Variants in EXOC4 observed in about 807,000 individuals in gnomAD.
EXOC4 encodes exocyst complex component 4, also known as SEC8-like 1.
EXOC4 carries 71 observed loss-of-function variants against 107.2 expected under a neutral mutation model. The observed-to-expected ratio is 0.66, with a 90% CI of 0.55 to 0.81. EXOC4 has a LOEUF of 0.81. EXOC4 is among the 30% of genes least tolerant of loss of function. The pLI is 0.00. For missense variants in EXOC4, 1,108 were observed against 1,189.6 expected, an observed-to-expected ratio of 0.93 and a Z score of 1.01; for synonymous variants, 456 against 441.2, an observed-to-expected ratio of 1.03 and a Z score of -0.42.
intron 1 of EXOC4, among the ~76,000 whole-genome samples, chr7:133,263,827 C>G (rs958865586): frequency 6.6e-6 from 1 of 151,994 alleles, no homozygotes; most frequent in Non-Finnish European, 1.5e-5. Context: ...TAGTATATTA[C>G]AGAAGTGCTA....
At chr7:133,914,447 A>G (rs977855298) in intron 12 of EXOC4, among the ~76,000 whole-genome samples, 3 of 152,168 alleles carry the variant, frequency 2.0e-5, no homozygotes, top group Admixed American at 1.3e-4. Context: ...TGTTTCATTC[A>G]TATTTCTTAG....
intron 7 of EXOC4, among the ~76,000 whole-genome samples, chr7:133,402,338 T>TTA (rs1797108935): frequency 6.6e-6 from 1 of 152,202 alleles, no homozygotes; most frequent in Non-Finnish European, 1.5e-5. Context: ...TGCTTATGTT[T>TTA]TCATTTTATC....
chr7:133,538,882 AGG>A (rs1554469439), intron 9 of EXOC4, among the ~76,000 whole-genome samples: 12 of 59,960 alleles, frequency 2.0e-4, no homozygotes, highest in South Asian at 6.3e-4. Flanking sequence ...AGAGAGAGAG[AGG>A]GAGGGAGGGA....
intron 9 of EXOC4, among the ~76,000 whole-genome samples, chr7:133,508,671 G>A (rs17656452): frequency 0.15 from 22,122 of 152,096 alleles, 2,039 homozygotes; most frequent in Non-Finnish European, 0.2. Flanking sequence ...ACAGTCACAA[G>A]TTAACAATTA....
chr7:133,289,733 A>G (rs560281149), intron 3 of EXOC4, among the ~76,000 whole-genome samples: 1 of 152,290 alleles, frequency 6.6e-6, no homozygotes, highest in African/African-American at 2.4e-5. Context: ...AAGTAGAAAT[A>G]CAGAGTTTGC....
Position 133,260,280 on chromosome 7 carries a change from T to G in EXOC4, c.86+7093T>G, listed in dbSNP as rs568153640. 6.4e-3 allele frequency among the ~76,000 whole-genome samples: 979 copies of G among 152,182 alleles called. 10 individuals carry two copies. Among genetic ancestry groups the G allele is most frequent in the African/African-American group, 0.018 (740 of 41,524 alleles). ...GTAAGCCCTTTAACTGTTTTTTTTT[T>G]TTTGTTTTTTTGAGACAGAGTCTTG... On this transcript the variant is annotated intron_variant, in intron 1 of 17. Coordinates refer to ENST00000253861, the MANE Select transcript of EXOC4 (RefSeq NM_021807.4).
At chr7:133,715,345 T>C (rs1794977937) in intron 10 of EXOC4, among the ~76,000 whole-genome samples, 1 of 152,190 alleles carries the variant, frequency 6.6e-6, no homozygotes, top group Non-Finnish European at 1.5e-5. Context: ...TCCTTTCATT[T>C]CTTGTGGCTA....
intron 11 of EXOC4, among the ~76,000 whole-genome samples, chr7:133,857,588 C>A (rs1364602114): frequency 2.0e-5 from 3 of 150,754 alleles, no homozygotes; most frequent in African/African-American, 7.3e-5. Context: ...CATGGAGCAG[C>A]GAGGGGTGTG....
chr7:134,076,856 C>T, the EXOC4 span, among the ~76,000 whole-genome samples: 4 of 152,090 alleles, frequency 2.6e-5, no homozygotes, highest in East Asian at 1.9e-4. Context: ...AATGGTTGGA[C>T]GTAAAATTTT....
chr7:134,078,270 T>G, the EXOC4 span, among the ~76,000 whole-genome samples: 1 of 151,950 alleles, frequency 6.6e-6, no homozygotes, highest in East Asian at 1.9e-4. Context: ...CAGGAAAGCT[T>G]CTATGTAAAT....
At chr7:133,565,458 G>A (rs1800889930) in intron 9 of EXOC4, among the ~76,000 whole-genome samples, 1 of 152,158 alleles carries the variant, frequency 6.6e-6, no homozygotes, top group South Asian at 2.1e-4. Flanking sequence ...TTTACCTGAG[G>A]CCCCAGAGTT....
chr7:133,274,569 A>G (rs562760012), intron 1 of EXOC4, among the ~76,000 whole-genome samples: 1 of 152,298 alleles, frequency 6.6e-6, no homozygotes, highest in South Asian at 2.1e-4. Context: ...GGGTTGGGAA[A>G]GGCACCTTTT....
intron 3 of EXOC4, among the ~76,000 whole-genome samples, chr7:133,305,544 G>A (rs150653759): frequency 6.6e-6 from 1 of 152,094 alleles, no homozygotes; most frequent in Non-Finnish European, 1.5e-5. Flanking sequence ...TAAACCATTA[G>A]TACATGGGAT....
At chr7:133,942,579 A>G (rs1800456650) in intron 14 of EXOC4, among the ~76,000 whole-genome samples, 1 of 152,122 alleles carries the variant, frequency 6.6e-6, no homozygotes, top group East Asian at 1.9e-4. Context: ...GCATATGAGG[A>G]AATTAAGGTC....
chr7:133,847,168 C>T lies in EXOC4; in HGVS notation c.1734+29624C>T, dbSNP rs148073229. ...GTGGTGAGAATATTCAAAAGCTTCT[C>T]TTCTGGCTATTTTGCCATATATAAT... On this transcript the variant is annotated intron_variant, in intron 11 of 17. Transcript: ENST00000253861. Among the ~76,000 whole-genome samples, 57 of 152,196 alleles carry T rather than the reference C, an allele frequency of 3.7e-4. 1 individual carries two copies. The East Asian group carries it at 0.01, about 28-fold the overall frequency.
At chr7:133,659,721 A>G (rs1803393583) in intron 10 of EXOC4, among the ~76,000 whole-genome samples, 1 of 152,138 alleles carries the variant, frequency 6.6e-6, no homozygotes, top group South Asian at 2.1e-4. Context: ...GAAGTTTACA[A>G]CCTGTTAGGG....
At chr7:134,094,418 T>C in the EXOC4 span, among the ~76,000 whole-genome samples, 2 of 152,148 alleles carry the variant, frequency 1.3e-5, no homozygotes, top group Admixed American at 6.5e-5. Context: ...GAATCAGTAA[T>C]TTAAAAACCT....
Position 133,704,380 on chromosome 7 carries a change from G to A in EXOC4, c.1514+74239G>A, listed in dbSNP as rs141955918. On this transcript the variant is annotated intron_variant, in intron 10 of 17. Coordinates refer to ENST00000253861, the MANE Select transcript of EXOC4 (RefSeq NM_021807.4). ...CATATATGGTGGTCATTGTAACACC[G>A]TAGTCTTCTGTGACATGTTCCATAC... 8.6e-4 allele frequency among the ~76,000 whole-genome samples: 131 copies of A among 152,286 alleles called. No homozygotes were observed. In the East Asian group the frequency reaches 0.023, roughly 27 times the overall value.
intron 10 of EXOC4, among the ~76,000 whole-genome samples, chr7:133,677,920 A>G (rs911017962): frequency 2.0e-5 from 3 of 152,198 alleles, no homozygotes; most frequent in Non-Finnish European, 2.9e-5. Context: ...TGAATGTCCT[A>G]TAATGTGTTC....
Sources: gnomAD v4.1 joint callset for allele counts (sites outside exome capture counted in the v4.1 genomes callset) on GRCh38, gnomAD v4.1.1 for gene constraint, MANE v1.5 for transcripts, NCBI Gene and HGNC (gene_info 2026-07-23, HGNC 2026-07-21) for gene names.